Variants in UBE4A observed in about 807,000 individuals in gnomAD.
The protein encoded by UBE4A is ubiquitin conjugation factor E4 A.
A neutral mutation model predicts 117.9 loss-of-function variants in UBE4A; 48 were observed. The observed-to-expected ratio is 0.41, with a 90% CI of 0.32 to 0.52. The LOEUF (loss-of-function observed/expected upper bound fraction) is 0.52, where lower values mean the gene tolerates loss of function less well. UBE4A is among the 20% of genes least tolerant of loss of function. The pLI is 0.33. For synonymous variants in UBE4A, 407 were observed against 450.0 expected, an observed-to-expected ratio of 0.90 and a Z score of 1.21; for missense variants, 1,067 against 1,296.3, an observed-to-expected ratio of 0.82 and a Z score of 2.72.
At chr11:118,368,573 G>A in intron 2 of UBE4A, 58 bp from the exon 3 acceptor site, 1 of 1,527,312 alleles carries the variant, frequency 6.5e-7, no homozygotes, top group Non-Finnish European at 9.0e-7. Context: ...ATTTTTGGTA[G>A]CATGCTTGGT....
At position 118,368,646 on chromosome 11, in the gene UBE4A, G is replaced by T; in HGVS notation, c.137G>T (p.Ser46Ile). 4.3e-6 allele frequency: 7 copies of T among 1,614,128 alleles called. No individual in the cohort carries two copies. The highest frequency in any genetic ancestry group is 5.9e-6 in the Non-Finnish European group (7 of 1,180,006). Residue 46 changes from serine (S) to isoleucine (I), a missense_variant, in exon 3 of 20, where the codon AGC becomes ATC. By Grantham distance (142) the Ser-to-Ile change is moderately radical. Transcript: ENST00000252108. ...TTTCTGGCAGATGAACTCCCAGCTA[G>T]CCCAGATGACTCGGATAATAGCGTG... is the stretch of plus-strand genomic sequence containing the variant. ...LKQQSDELPASPDDSDNSVSE... is the reference protein window; with the variant it reads ...LKQQSDELPAIPDDSDNSVSE...
intron 18 of UBE4A, among the ~76,000 whole-genome samples, chr11:118,391,558 G>T (rs1406179999): frequency 6.6e-6 from 1 of 151,292 alleles, no homozygotes; most frequent in African/African-American, 2.4e-5. Flanking sequence ...ACTTTGGGAG[G>T]TCGAGGCGGG....
chr11:118,381,182 G>C (rs1471684145), intron 11 of UBE4A, among the ~76,000 whole-genome samples: 1 of 152,104 alleles, frequency 6.6e-6, no homozygotes. Flanking sequence ...TGTCATTACT[G>C]TTCATATATT....
intron 11 of UBE4A, 63 bp downstream of exon 11, chr11:118,379,813 T>C (rs1555126002): frequency 1.3e-6 from 2 of 1,524,538 alleles, no homozygotes; most frequent in Non-Finnish European, 1.8e-6. Context: ...TGGGTCACTT[T>C]GGAAGTTTAA....
intron 11 of UBE4A, 51 bp from the exon 12 acceptor site, chr11:118,381,340 G>T (rs1555126306): frequency 6.2e-7 from 1 of 1,603,762 alleles, no homozygotes; most frequent in African/African-American, 1.3e-5. Context: ...TTGTTTATTA[G>T]TACAGATATA....
intron 5 of UBE4A, among the ~76,000 whole-genome samples, chr11:118,372,002 G>C (rs762763863): frequency 6.6e-6 from 1 of 152,174 alleles, no homozygotes; most frequent in Non-Finnish European, 1.5e-5. Flanking sequence ...GCTCACTCCT[G>C]TAATCCCAGC....
intron 1 of UBE4A, 95 bp from the exon 2 acceptor site, chr11:118,364,945 A>T: frequency 8.7e-7 from 1 of 1,152,458 alleles, no homozygotes; most frequent in Non-Finnish European, 1.1e-6. Context: ...TTTAAAATGT[A>T]TTGTATTTGA....
rs150861561 is a variant in UBE4A at position 118,366,245 on chromosome 11, C to T, written c.121+1044C>T. 8.2e-3 allele frequency among the ~76,000 whole-genome samples: 1,241 copies of T among 151,790 alleles called. 57 individuals carry two copies. Among genetic ancestry groups the T allele is most frequent in the Admixed American group, 0.061 (933 of 15,254 alleles). ...AAATCTCTCCCAGATTTCTATGATA[C>T]GGGGCCAGAATGGGAAACTCTGGTT... is the stretch of plus-strand genomic sequence containing the variant. On this transcript the variant is annotated intron_variant, in intron 2 of 19. Coordinates refer to ENST00000252108, the MANE Select transcript of UBE4A (RefSeq NM_001204077.2).
Position 118,397,367 on chromosome 11 carries a change from A to G in UBE4A, c.*927A>G, listed in dbSNP as rs1299268248. Reference sequence around the variant, plus strand: ...TATTTTCTCTTCCATAGTGAGATGTATGCAGTATGTGGCCATGTTTACTAA... The same window carrying G: ...TATTTTCTCTTCCATAGTGAGATGTGTGCAGTATGTGGCCATGTTTACTAA... On this transcript the variant is annotated 3_prime_UTR_variant, in exon 20 of 20. Coordinates refer to ENST00000252108, the MANE Select transcript of UBE4A (RefSeq NM_001204077.2). The G allele has an allele frequency of 1.3e-5, 2 of 152,198 alleles. No homozygotes were observed. The highest frequency in any genetic ancestry group is 4.8e-5 in the African/African-American group (2 of 41,444). 9.4% of individuals were successfully genotyped at this position (152,198 alleles called of 1,614,324 possible).
Position 118,376,661 on chromosome 11 carries a change from T to G in UBE4A, c.1538T>G (p.Leu513Arg), listed in dbSNP as rs1948655295. Reference sequence around the variant, plus strand: ...AACCTTGTAACAGAGAACCTTGCTCTGACAGAGTACACCTTGTACTTGGGA... The same window carrying G: ...AACCTTGTAACAGAGAACCTTGCTCGGACAGAGTACACCTTGTACTTGGGA... ...NYNLVTENLALTEYTLYLGFH... is the reference protein window; with the variant it reads ...NYNLVTENLARTEYTLYLGFH... Residue 513 changes from leucine (L) to arginine (R), a missense_variant, in exon 10 of 20, where the codon CTG becomes CGG. Leu to Arg is a moderately radical substitution (Grantham distance 102). Coordinates refer to ENST00000252108, the MANE Select transcript of UBE4A (RefSeq NM_001204077.2). 1 of 1,614,020 alleles carries G rather than the reference T, an allele frequency of 6.2e-7. No homozygotes were observed. The highest frequency in any genetic ancestry group is 1.7e-5 in the Admixed American group (1 of 60,002).
At chr11:118,377,129 A>G (rs1195804019) in intron 10 of UBE4A, among the ~76,000 whole-genome samples, 4 of 152,156 alleles carry the variant, frequency 2.6e-5, no homozygotes, top group African/African-American at 9.7e-5. Flanking sequence ...AATCTAATAG[A>G]AAAGGGGCAT....
intron 2 of UBE4A, among the ~76,000 whole-genome samples, chr11:118,366,941 C>T (rs76265966): frequency 0.013 from 1,917 of 152,248 alleles, 49 homozygotes; most frequent in African/African-American, 0.043. Flanking sequence ...TGATGACAGG[C>T]GCCTATAATC....
At chr11:118,377,973 C>T (rs542068970) in intron 10 of UBE4A, among the ~76,000 whole-genome samples, 6 of 149,318 alleles carry the variant, frequency 4.0e-5, no homozygotes, top group South Asian at 4.3e-4. Context: ...TTCAGCCGGG[C>T]GCAGTGGCTC....
chr11:118,363,635 G>T (rs1591292683), intron 1 of UBE4A, among the ~76,000 whole-genome samples: 1 of 129,042 alleles, frequency 7.7e-6, no homozygotes, highest in African/African-American at 3.0e-5. Flanking sequence ...TTTTTGAGAC[G>T]AAGTCTCGCT....
intron 10 of UBE4A, among the ~76,000 whole-genome samples, chr11:118,377,670 T>C (rs1555125587): frequency 6.6e-6 from 1 of 151,662 alleles, no homozygotes; most frequent in African/African-American, 2.4e-5. Flanking sequence ...CTTTGCACTT[T>C]GGGAGGCCGA....
chr11:118,398,981 C>T lies in UBE4A; in HGVS notation c.*2541C>T, dbSNP rs1948900685. The T allele has an allele frequency of 2.2e-6, 1 of 449,872 alleles. No homozygotes were observed. The highest frequency in any genetic ancestry group is 4.5e-6 in the Non-Finnish European group (1 of 223,304). 27.9% of individuals were successfully genotyped at this position (449,872 alleles called of 1,614,324 possible). On this transcript the variant is annotated 3_prime_UTR_variant, in exon 20 of 20. Transcript: ENST00000252108. ...AGCATAAGTCTACTGGGTGCCTTTA[C>T]ATGCCAGAGGCTGATGCTGCACTGT...
At chr11:118,375,271 TG>T in intron 9 of UBE4A, 42 bp downstream of exon 9, 1 of 1,508,120 alleles carries the variant, frequency 6.6e-7, no homozygotes, top group Non-Finnish European at 9.0e-7. Flanking sequence ...TGTGTGTGTG[TG>T]TGTAACGTGT....
chr11:118,373,116 A>C lies in UBE4A; in HGVS notation c.752A>C (p.Glu251Ala). The change falls in exon 7 of 20, where the codon GAG becomes GCG. Residue 251 changes from glutamate to alanine, a missense_variant. Coordinates refer to ENST00000252108, the MANE Select transcript of UBE4A (RefSeq NM_001204077.2). ...GAAGATGTAACTGAGTTTCTGGAAG[A>C]GGTCATTGAAGCCTTGATATTGGAT... ...HFEDVTEFLE[E>A]VIEALILDEE... 6.2e-7 allele frequency: 1 copy of C among 1,614,058 alleles called. No individual in the cohort carries two copies. Among genetic ancestry groups the C allele is most frequent in the Non-Finnish European group, 8.5e-7 (1 of 1,180,010 alleles).
At chr11:118,389,637 G>A in intron 16 of UBE4A, 88 bp from the exon 17 acceptor site, 1 of 1,198,728 alleles carries the variant, frequency 8.3e-7, no homozygotes, top group East Asian at 2.7e-5. Flanking sequence ...AATAACAGTA[G>A]TTCCCAGAGG....
Sources: gnomAD v4.1 joint callset for allele counts (sites outside exome capture counted in the v4.1 genomes callset) on GRCh38, gnomAD v4.1.1 for gene constraint, MANE v1.5 for transcripts, NCBI Gene and HGNC (gene_info 2026-07-23, HGNC 2026-07-21) for gene names.